ARHGAP22: variants seen among roughly 807,000 people sequenced by gnomAD.
ARHGAP22 encodes rho GTPase-activating protein 22.
A neutral mutation model predicts 59.1 loss-of-function variants in ARHGAP22; 48 were observed. The ratio of observed to expected loss-of-function variants is 0.81; its 90% CI spans 0.64 to 1.03. ARHGAP22 has a LOEUF of 1.03. Among genes scored for constraint, ARHGAP22 ranks in the 50% least tolerant of loss-of-function variants. The pLI, the probability that ARHGAP22 is intolerant of heterozygous loss-of-function variation, is 0.00. For missense variants in ARHGAP22, 1,015 were observed against 958.7 expected, an observed-to-expected ratio of 1.06 and a Z score of -0.78; for synonymous variants, 445 against 416.4, an observed-to-expected ratio of 1.07 and a Z score of -0.84.
At chr10:48,431,394 A>T in the ARHGAP22 span, 1 of 664,564 alleles carries the variant, frequency 1.5e-6, no homozygotes. Flanking sequence ...CTTAATAAGT[A>T]TAAGGAAATA....
chr10:48,521,333 T>C (rs895835776), intron 3 of ARHGAP22, among the ~76,000 whole-genome samples: 3 of 152,230 alleles, frequency 2.0e-5, no homozygotes, highest in Non-Finnish European at 4.4e-5. Context: ...AAGGGGCTCC[T>C]GGATAAAGCC....
intron 3 of ARHGAP22, among the ~76,000 whole-genome samples, chr10:48,486,654 G>A (rs1441481492): frequency 6.6e-6 from 1 of 152,118 alleles, no homozygotes; most frequent in African/African-American, 2.4e-5. Flanking sequence ...AATTATAAGA[G>A]AAAAGCATAT....
chr10:48,462,395 C>T (rs1589511049), intron 4 of ARHGAP22, among the ~76,000 whole-genome samples: 1 of 152,128 alleles, frequency 6.6e-6, no homozygotes, highest in African/African-American at 2.4e-5. Context: ...ATCACTGTAA[C>T]CATCAACATC....
chr10:48,589,772 C>A (rs1589015370), intron 1 of ARHGAP22, among the ~76,000 whole-genome samples: 1 of 152,214 alleles, frequency 6.6e-6, no homozygotes, highest in Non-Finnish European at 1.5e-5. Flanking sequence ...ACTCTTAGCT[C>A]CTGCCTTCCA....
intron 3 of ARHGAP22, among the ~76,000 whole-genome samples, chr10:48,494,796 C>T (rs1463883037): frequency 6.6e-6 from 1 of 152,196 alleles, no homozygotes; most frequent in Non-Finnish European, 1.5e-5. Context: ...GACCACCTCT[C>T]CTCCCCCGGC....
At chr10:48,600,735 GAC>G (rs1473564044) in intron 1 of ARHGAP22, among the ~76,000 whole-genome samples, 3 of 152,314 alleles carry the variant, frequency 2.0e-5, no homozygotes, top group Non-Finnish European at 1.5e-5. Context: ...ACTGACAAGA[GAC>G]AGCTTGGTTC....
the ARHGAP22 span, among the ~76,000 whole-genome samples, chr10:48,431,742 G>C: frequency 6.6e-6 from 1 of 152,098 alleles, no homozygotes; most frequent in African/African-American, 2.4e-5. Flanking sequence ...TCTCTAAGAA[G>C]AAAACTGGGT....
In ARHGAP22 at chr10:48,450,944, G is replaced by T; in HGVS notation, c.1185C>A (p.Ser395=). Reference sequence around the variant, plus strand: ...GCACCGCCACGGCCGCCCCGTCCAGGGAAGAGGTCCTGTGCGCGGGCAGGC... The same window carrying T: ...GCACCGCCACGGCCGCCCCGTCCAGTGAAGAGGTCCTGTGCGCGGGCAGGC... ...GPGLPAHRTS[S]LDGAAVAVLS... is the part of the protein sequence containing the mutation. The change falls in exon 9 of 10, where the codon TCC becomes TCA. Residue 395 remains serine, a synonymous_variant. Coordinates refer to ENST00000249601, the MANE Select transcript of ARHGAP22 (RefSeq NM_021226.4). 2 of 1,585,442 alleles carry T rather than the reference G, an allele frequency of 1.3e-6. No homozygotes were observed. Among genetic ancestry groups the T allele is most frequent in the East Asian group, 4.6e-5 (2 of 43,166 alleles).
intron 1 of ARHGAP22, among the ~76,000 whole-genome samples, chr10:48,613,614 T>C (rs2060973483): frequency 6.6e-6 from 1 of 151,606 alleles, no homozygotes; most frequent in South Asian, 2.1e-4. Context: ...TAAGACTATA[T>C]TGTTTAGAGG....
At chr10:48,522,735 T>G (rs1284424603) in intron 3 of ARHGAP22, among the ~76,000 whole-genome samples, 1 of 152,160 alleles carries the variant, frequency 6.6e-6, no homozygotes, top group Non-Finnish European at 1.5e-5. Flanking sequence ...GAATGAAGCC[T>G]CATGTGCAAA....
At chr10:48,449,060 G>A (rs977771931) in intron 9 of ARHGAP22, among the ~76,000 whole-genome samples, 1 of 152,218 alleles carries the variant, frequency 6.6e-6, no homozygotes, top group Admixed American at 6.5e-5. Flanking sequence ...GAGCAGGCCA[G>A]AGGAGCTCCA....
chr10:48,559,915 A>T (rs145329177), intron 2 of ARHGAP22, among the ~76,000 whole-genome samples: 1 of 152,324 alleles, frequency 6.6e-6, no homozygotes, highest in East Asian at 1.9e-4. Flanking sequence ...TATCAAATAT[A>T]TGTGATCTGT....
At chr10:48,434,390 A>C in the ARHGAP22 span, among the ~76,000 whole-genome samples, 1 of 152,200 alleles carries the variant, frequency 6.6e-6, no homozygotes, top group African/African-American at 2.4e-5. Context: ...CCAGAAGTAC[A>C]TCTTGTTTCA....
intron 3 of ARHGAP22, among the ~76,000 whole-genome samples, chr10:48,538,991 G>A (rs538637961): frequency 6.6e-6 from 1 of 152,192 alleles, no homozygotes; most frequent in African/African-American, 2.4e-5. Context: ...ATCTTCTAAA[G>A]TGGGGAAGAA....
intron 1 of ARHGAP22, among the ~76,000 whole-genome samples, chr10:48,594,688 C>A (rs2059960062): frequency 6.6e-6 from 1 of 152,158 alleles, no homozygotes; most frequent in Non-Finnish European, 1.5e-5. Flanking sequence ...ACTGGGAAGA[C>A]TGGGAGTGCC....
At chr10:48,614,318 G>A (rs111933998) in intron 1 of ARHGAP22, among the ~76,000 whole-genome samples, 28 of 152,320 alleles carry the variant, frequency 1.8e-4, no homozygotes, top group Admixed American at 9.8e-4. Flanking sequence ...TTTGGCAAAG[G>A]AGAGTTGTTT....
chr10:48,466,323 CAGG>C (rs2047675539), intron 4 of ARHGAP22, among the ~76,000 whole-genome samples: 1 of 151,988 alleles, frequency 6.6e-6, no homozygotes, highest in Non-Finnish European at 1.5e-5. Flanking sequence ...CCACAGCCAG[CAGG>C]AGATTGAAGG....
chr10:48,491,864 G>C (rs1164809929), intron 3 of ARHGAP22, among the ~76,000 whole-genome samples: 1 of 152,228 alleles, frequency 6.6e-6, no homozygotes, highest in Non-Finnish European at 1.5e-5. Context: ...ATGTACCAGG[G>C]AACTATGACC....
In ARHGAP22 at chr10:48,450,477, G is replaced by C. The variant is rs2045808458; in HGVS notation, c.1652C>G (p.Pro551Arg). ...SSLHTDWALE[P>R]SPLPSSSEDP... Reference sequence around the variant, plus strand: ...CTCGCTGCTGCTGGGGAGCGGGGAGGGCTCCAGGGCCCAGTCGGTGTGCAG... The same window carrying C: ...CTCGCTGCTGCTGGGGAGCGGGGAGCGCTCCAGGGCCCAGTCGGTGTGCAG... The change falls in exon 9 of 10, where the codon CCC (proline) becomes CGC (arginine). Residue 551 changes from proline (P) to arginine (R), a missense_variant. By Grantham distance (103) the Pro-to-Arg change is moderately radical. Coordinates refer to ENST00000249601, the MANE Select transcript of ARHGAP22 (RefSeq NM_021226.4). 6.5e-7 allele frequency: 1 copy of C among 1,538,102 alleles called. No individual in the cohort carries two copies. Among genetic ancestry groups the C allele is most frequent in the East Asian group, 2.4e-5 (1 of 41,406 alleles).
Sources: gnomAD v4.1 joint callset for allele counts (sites outside exome capture counted in the v4.1 genomes callset) on GRCh38, gnomAD v4.1.1 for gene constraint, MANE v1.5 for transcripts, NCBI Gene and HGNC (gene_info 2026-07-23, HGNC 2026-07-21) for gene names.